The following KSR2 variants were observed in gnomAD, a reference collection of about 807,000 sequenced individuals.
KSR2 encodes kinase suppressor of ras 2.
KSR2 carries 25 observed loss-of-function variants against 107.8 expected under a neutral mutation model. That is an observed-to-expected ratio of 0.23 (90% CI 0.17 to 0.32). The LOEUF (loss-of-function observed/expected upper bound fraction) is 0.32, where lower values mean the gene tolerates loss of function less well. KSR2 is among the 10% of genes least tolerant of loss of function. The pLI, the probability that KSR2 is intolerant of heterozygous loss-of-function variation, is 1.00. For synonymous variants in KSR2, 480 were observed against 507.0 expected, an observed-to-expected ratio of 0.95 and a Z score of 0.71; for missense variants, 887 against 1,268.9, an observed-to-expected ratio of 0.70 and a Z score of 4.57.
chr12:117,872,760 T>G (rs1040939846), intron 1 of KSR2, among the ~76,000 whole-genome samples: 2 of 152,136 alleles, frequency 1.3e-5, no homozygotes, highest in African/African-American at 2.4e-5. Context: ...CCGAAGGATC[T>G]GGGTCCTTGG....
intron 3 of KSR2, among the ~76,000 whole-genome samples, chr12:117,819,559 T>C (rs749324304): frequency 1.3e-5 from 2 of 152,124 alleles, no homozygotes; most frequent in Admixed American, 6.5e-5. Flanking sequence ...TTGCATACTA[T>C]AAATCTGGGC....
intron 6 of KSR2, among the ~76,000 whole-genome samples, chr12:117,581,238 C>A (rs1879644141): frequency 6.6e-6 from 1 of 152,130 alleles, no homozygotes; most frequent in Non-Finnish European, 1.5e-5. Context: ...TATGGTGATG[C>A]ATCTGCCCCT....
chr12:117,572,498 A>C (rs760927659), intron 7 of KSR2, among the ~76,000 whole-genome samples: 3 of 152,044 alleles, frequency 2.0e-5, no homozygotes, highest in Non-Finnish European at 4.4e-5. Context: ...TCTCGAGGAC[A>C]AGTTTTTCTT....
chr12:117,797,222 G>C (rs190473981), intron 3 of KSR2, among the ~76,000 whole-genome samples: 1 of 152,216 alleles, frequency 6.6e-6, no homozygotes, highest in Middle Eastern at 3.4e-3. Context: ...GCCAAAAGGT[G>C]GAAACAATCA....
At chr12:117,732,314 C>T (rs1375052409) in intron 4 of KSR2, among the ~76,000 whole-genome samples, 1 of 151,046 alleles carries the variant, frequency 6.6e-6, no homozygotes, top group African/African-American at 2.4e-5. Flanking sequence ...TTTGAGTCAG[C>T]ATCTTGCTCT....
chr12:117,887,226 AT>A (rs888362472), intron 1 of KSR2, among the ~76,000 whole-genome samples: 5 of 150,374 alleles, frequency 3.3e-5, no homozygotes, highest in Admixed American at 6.6e-5. Context: ...GCCCAGCCGG[AT>A]TTTTTTTTCT....
At chr12:117,534,498 A>C (rs143347314) in intron 10 of KSR2, among the ~76,000 whole-genome samples, 42 of 152,266 alleles carry the variant, frequency 2.8e-4, no homozygotes, top group Admixed American at 2.4e-3. Flanking sequence ...GCTCTTAGCC[A>C]TCACAGCCTT....
intron 5 of KSR2, among the ~76,000 whole-genome samples, chr12:117,624,128 C>T (rs955775070): frequency 1.3e-5 from 2 of 152,216 alleles, no homozygotes; most frequent in Admixed American, 6.5e-5. Context: ...GATATTAGCC[C>T]TTTGTCAGAT....
intron 10 of KSR2, among the ~76,000 whole-genome samples, chr12:117,533,617 C>T (rs1265633140): frequency 6.6e-6 from 1 of 152,224 alleles, no homozygotes; most frequent in Non-Finnish European, 1.5e-5. Flanking sequence ...CATACAACTA[C>T]TTTATTAGTC....
rs2136457278 is a variant in KSR2 at position 117,658,359 on chromosome 12, G to A, written c.1171+9115C>T. 1.3e-5 allele frequency among the ~76,000 whole-genome samples: 2 copies of A among 152,322 alleles called. 1 individual carries two copies. Among genetic ancestry groups the A allele is most frequent in the South Asian group, 4.1e-4 (2 of 4,826 alleles). ...GAAACTATTGCATAGTTTGGACAAG[G>A]GTGGTGATGATGGAGGAGGAGATGA... On this transcript the variant is annotated intron_variant, in intron 5 of 19. Transcript: ENST00000339824.
At chr12:117,567,648 T>C (rs1209593746) in intron 7 of KSR2, among the ~76,000 whole-genome samples, 1 of 137,052 alleles carries the variant, frequency 7.3e-6, no homozygotes, top group Non-Finnish European at 1.5e-5. Flanking sequence ...TAAGTGTTCC[T>C]GAAGGCTTCT....
rs4617682 is a variant in KSR2, at chr12:117,914,669, G to A, written c.180+53407C>T. ...CCCACCTCAGCCTTCCAAGTAGCTG[G>A]GACTACAGGCGTGTGCCACCACACC... On this transcript the variant is annotated intron_variant, in intron 1 of 19. Coordinates refer to ENST00000339824, the MANE Select transcript of KSR2 (RefSeq NM_173598.6). Among the ~76,000 whole-genome samples the A allele has an allele frequency of 6.9e-3, 1,045 of 152,190 alleles. 10 individuals are homozygous for A. Among genetic ancestry groups the A allele is most frequent in the African/African-American group, 0.023 (973 of 41,528 alleles).
chr12:117,836,041 T>C (rs1255497031), intron 3 of KSR2, among the ~76,000 whole-genome samples: 1 of 152,166 alleles, frequency 6.6e-6, no homozygotes, highest in Non-Finnish European at 1.5e-5. Context: ...TTGCCCACTC[T>C]TGGGGAGTAA....
At chr12:117,565,480 G>C (rs1445953332) in intron 7 of KSR2, among the ~76,000 whole-genome samples, 1 of 152,276 alleles carries the variant, frequency 6.6e-6, no homozygotes, top group Non-Finnish European at 1.5e-5. Flanking sequence ...CTCTTAAGAG[G>C]TGTATATTGT....
chr12:117,626,925 CT>C (rs539885919), intron 5 of KSR2, among the ~76,000 whole-genome samples: 99 of 152,142 alleles, frequency 6.5e-4, no homozygotes, highest in African/African-American at 2.1e-3. Context: ...ATAGTTAGCT[CT>C]TCTTGTTAAA....
At chr12:117,657,978 T>C (rs1484151054) in intron 5 of KSR2, among the ~76,000 whole-genome samples, 1 of 152,158 alleles carries the variant, frequency 6.6e-6, no homozygotes, top group Non-Finnish European at 1.5e-5. Flanking sequence ...TGAGAAAAGG[T>C]GTAACTGATC....
chr12:117,548,904 T>C (rs7977174), intron 9 of KSR2, among the ~76,000 whole-genome samples: 55,268 of 151,970 alleles, frequency 0.36, 10,390 homozygotes, highest in Non-Finnish European at 0.42. Context: ...TCCCAAGCTA[T>C]AGAATTTTCC....
At chr12:117,495,578 T>C (rs1872975648) in intron 14 of KSR2, among the ~76,000 whole-genome samples, 1 of 152,208 alleles carries the variant, frequency 6.6e-6, no homozygotes, top group South Asian at 2.1e-4. Context: ...CATCAGAATA[T>C]GCAAAGACAG....
intron 1 of KSR2, among the ~76,000 whole-genome samples, chr12:117,899,229 C>T (rs1259945482): frequency 6.6e-6 from 1 of 152,154 alleles, no homozygotes; most frequent in African/African-American, 2.4e-5. Context: ...CACGGTGGCT[C>T]ATGCTTGTAA....
Sources: allele counts gnomAD v4.1 joint callset (sites outside exome capture counted in the v4.1 genomes callset), GRCh38; gene constraint gnomAD v4.1.1; transcripts MANE v1.5; gene names NCBI Gene and HGNC (gene_info 2026-07-23, HGNC 2026-07-21).